The following AK4 variants were observed in gnomAD, a reference collection of about 807,000 sequenced individuals.
The protein encoded by AK4 is adenylate kinase 4, also known as adenylate kinase 4, mitochondrial.
In AK4, 13 loss-of-function variants were observed where a neutral mutation model predicts 24.6. The observed-to-expected ratio is 0.53, with a 90% CI of 0.34 to 0.84. AK4 has a LOEUF of 0.84. AK4 is among the 40% of genes least tolerant of loss of function. The probability of loss-of-function intolerance (pLI) is 0.01; values close to 1 mark genes in which losing one functional copy is unlikely to be tolerated. For synonymous variants in AK4, 88 were observed against 107.0 expected, an observed-to-expected ratio of 0.82 and a Z score of 1.10; for missense variants, 192 against 288.2, an observed-to-expected ratio of 0.67 and a Z score of 2.42.
chr1:65,172,180 G>A (rs928943771), intron 1 of AK4, among the ~76,000 whole-genome samples: 1 of 146,802 alleles, frequency 6.8e-6, no homozygotes, highest in African/African-American at 2.5e-5. Context: ...TTTTTAAAAC[G>A]TAACTTTTGT....
At chr1:65,208,383 T>G (rs1026277160) in intron 2 of AK4, among the ~76,000 whole-genome samples, 17 of 152,128 alleles carry the variant, frequency 1.1e-4, no homozygotes, top group Non-Finnish European at 2.2e-4. Context: ...TGGTAATTAA[T>G]TTGCTACTAA....
chr1:65,225,998 T>C, intron 4 of AK4, 65 bp from the exon 5 acceptor site: 1 of 1,518,456 alleles, frequency 6.6e-7, no homozygotes, highest in Non-Finnish European at 9.0e-7. Flanking sequence ...ATATCTAGGA[T>C]CTTCTGCACT....
At chr1:65,204,548 G>A (rs1255617630) in intron 2 of AK4, among the ~76,000 whole-genome samples, 1 of 152,132 alleles carries the variant, frequency 6.6e-6, no homozygotes, top group Non-Finnish European at 1.5e-5. Flanking sequence ...TGAACCTGAA[G>A]GAGTTATTAC....
chr1:65,154,529 G>A, intron 1 of AK4: 4 of 527,080 alleles, frequency 7.6e-6, no homozygotes, highest in South Asian at 1.4e-5. Flanking sequence ...TTCAGCCAGG[G>A]TTCTCGCTCT....
intron 1 of AK4, among the ~76,000 whole-genome samples, chr1:65,151,894 T>G (rs1198629511): frequency 6.6e-6 from 1 of 152,196 alleles, no homozygotes; most frequent in Admixed American, 6.5e-5. Context: ...CCCATATCTT[T>G]GGCTCAGATT....
At chr1:65,180,825 C>T (rs935691535) in intron 1 of AK4, among the ~76,000 whole-genome samples, 3 of 152,208 alleles carry the variant, frequency 2.0e-5, no homozygotes, top group South Asian at 2.1e-4. Context: ...TGCGCACACA[C>T]GTGTGCACTG....
At chr1:65,166,025 C>T (rs1007718607) in intron 1 of AK4, 4 of 152,252 alleles carry the variant, frequency 2.6e-5, no homozygotes, top group African/African-American at 9.7e-5. Context: ...AAGTGGTAGG[C>T]ACAGGGAGTT....
rs1372015048 is a variant in AK4 at position 65,180,666 on chromosome 1, A to AT, written c.146-10038dup. 2.0e-5 allele frequency among the ~76,000 whole-genome samples: 3 copies of AT among 152,206 alleles called. No homozygotes were observed. In the South Asian group the frequency reaches 6.2e-4, roughly 32 times the overall value. On this transcript the variant is annotated intron_variant, in intron 1 of 4. Transcript: ENST00000327299. ...ATAGAATGAAGTCTTTCTTCACTGTATTTTTTCCCCCAAAGTAGTTATTTC... is the reference window on the plus strand; with the variant it reads ...ATAGAATGAAGTCTTTCTTCACTGTATTTTTTTCCCCCAAAGTAGTTATTTC...
intron 1 of AK4, among the ~76,000 whole-genome samples, chr1:65,183,436 G>GT (rs1650975504): frequency 6.6e-6 from 1 of 152,070 alleles, no homozygotes; most frequent in African/African-American, 2.4e-5. Context: ...ATTTTTGGGG[G>GT]TTTTGCCATG....
chr1:65,213,546 G>A (rs11208610), intron 2 of AK4, among the ~76,000 whole-genome samples: 55,003 of 152,024 alleles, frequency 0.36, 10,356 homozygotes, highest in East Asian at 0.67. Context: ...CTGCTGCTGC[G>A]TTTTTATTGA....
At position 65,189,165 on chromosome 1, in the gene AK4, C is replaced by T. The variant is rs567582112; in HGVS notation, c.146-1545C>T. On this transcript the variant is annotated intron_variant, in intron 1 of 4. Coordinates refer to ENST00000327299, the MANE Select transcript of AK4 (RefSeq NM_013410.4). The stretch of plus-strand genomic sequence containing the variant: ...AGCCAGGCTGGTCTCGAACTCTTGA[C>T]CTCAGGTGATCCGCCTGCCTCGACC... Among the ~76,000 whole-genome samples, 6 of 151,250 alleles carry T rather than the reference C, an allele frequency of 4.0e-5. No individual in the cohort carries two copies. The South Asian group carries it at 6.3e-4, about 16-fold the overall frequency.
At chr1:65,205,959 C>G (rs1448190118) in intron 2 of AK4, among the ~76,000 whole-genome samples, 1 of 152,156 alleles carries the variant, frequency 6.6e-6, no homozygotes, top group Non-Finnish European at 1.5e-5. Flanking sequence ...TGGGCCCTTG[C>G]ACTTACTGTT....
At chr1:65,192,880 C>T (rs1570111260) in intron 2 of AK4, among the ~76,000 whole-genome samples, 1 of 152,350 alleles carries the variant, frequency 6.6e-6, no homozygotes, top group East Asian at 1.9e-4. Flanking sequence ...CCATATTCTG[C>T]CTCCTGGGCA....
intron 1 of AK4, among the ~76,000 whole-genome samples, chr1:65,174,141 T>A (rs1390120263): frequency 6.6e-6 from 1 of 152,118 alleles, no homozygotes; most frequent in African/African-American, 2.4e-5. Flanking sequence ...GGCTTTCTAA[T>A]CCAGAATAGT....
chr1:65,178,562 G>A (rs1164961296), intron 1 of AK4, among the ~76,000 whole-genome samples: 1 of 152,190 alleles, frequency 6.6e-6, no homozygotes, highest in Non-Finnish European at 1.5e-5. Flanking sequence ...TACAGAAGGG[G>A]GGATTAACTC....
chr1:65,188,813 C>T (rs1251059131), intron 1 of AK4, among the ~76,000 whole-genome samples: 1 of 151,858 alleles, frequency 6.6e-6, no homozygotes, highest in Non-Finnish European at 1.5e-5. Context: ...GTCTCGCTGT[C>T]GCCTGGGCTG....
At chr1:65,177,933 A>G (rs1650770701) in intron 1 of AK4, among the ~76,000 whole-genome samples, 1 of 125,584 alleles carries the variant, frequency 8.0e-6, no homozygotes, top group Admixed American at 8.5e-5. Context: ...ACTATAAGAT[A>G]GCATTTAAAA....
rs1434924885 is a variant in AK4, at chr1:65,161,443, A to G, written c.145+12891A>G. On this transcript the variant is annotated intron_variant, in intron 1 of 4. Transcript: ENST00000327299. ...TGCATGCAGGTAGAGCATGGGGGTC[A>G]TAGACAAGGCAGCAAGGAGTGCTTT... Among the ~76,000 whole-genome samples the G allele has an allele frequency of 4.6e-5, 7 of 152,334 alleles. No individual in the cohort carries two copies. In the East Asian group the frequency reaches 5.8e-4, roughly 13 times the overall value.
intron 3 of AK4, among the ~76,000 whole-genome samples, chr1:65,219,922 T>C (rs1457400586): frequency 6.6e-6 from 1 of 152,218 alleles, no homozygotes; most frequent in Admixed American, 6.5e-5. Flanking sequence ...TCGCCAAACT[T>C]CTGAAAACTA....
Sources: gnomAD v4.1 joint callset for allele counts (sites outside exome capture counted in the v4.1 genomes callset) on GRCh38, gnomAD v4.1.1 for gene constraint, MANE v1.5 for transcripts, NCBI Gene and HGNC (gene_info 2026-07-23, HGNC 2026-07-21) for gene names.